Variants in COMMD10 observed in about 807,000 individuals in gnomAD.
The protein encoded by COMMD10 is COMM domain-containing protein 10.
In COMMD10, 33 loss-of-function variants were observed where a neutral mutation model predicts 28.9. That is an observed-to-expected ratio of 1.14 (90% CI 0.87 to 1.53). The LOEUF (loss-of-function observed/expected upper bound fraction) is 1.53, where lower values mean the gene tolerates loss of function less well. Ranked by LOEUF, COMMD10 falls within the 40% of genes most tolerant of loss-of-function variation. COMMD10 has a pLI of 0.00. For synonymous variants in COMMD10, 110 were observed against 81.7 expected (o/e 1.35, Z -1.87); for missense variants, 310 against 233.4 (o/e 1.33, Z -2.14).
At chr5:116,216,756 G>T (rs4513731) in intron 5 of COMMD10, among the ~76,000 whole-genome samples, 90,083 of 151,982 alleles carry the variant, frequency 0.59, 30,882 homozygotes, top group South Asian at 0.77. Context: ...GGATGGTCTC[G>T]ATCTCTTGAC....
chr5:116,211,935 C>G (rs180978833), intron 5 of COMMD10, among the ~76,000 whole-genome samples: 258 of 152,248 alleles, frequency 1.7e-3, no homozygotes, highest in African/African-American at 5.8e-3. Flanking sequence ...CATTTGACTT[C>G]CAGCTCTGAC....
At chr5:116,213,355 G>C (rs568064837) in intron 5 of COMMD10, among the ~76,000 whole-genome samples, 2 of 152,234 alleles carry the variant, frequency 1.3e-5, no homozygotes, top group South Asian at 4.2e-4. Context: ...TTCTGTTAGT[G>C]TGAGTCACAT....
chr5:116,127,145 C>T (rs1349930390), intron 4 of COMMD10, among the ~76,000 whole-genome samples: 2 of 152,188 alleles, frequency 1.3e-5, no homozygotes, highest in African/African-American at 4.8e-5. Flanking sequence ...CAAAAGAAGA[C>T]ATTTATGCAG....
chr5:116,090,053 CT>C (rs1174332656), intron 2 of COMMD10, among the ~76,000 whole-genome samples: 1 of 152,074 alleles, frequency 6.6e-6, no homozygotes, highest in Non-Finnish European at 1.5e-5. Context: ...TCTACTGGTA[CT>C]TTTATTTTAT....
intron 5 of COMMD10, among the ~76,000 whole-genome samples, chr5:116,134,801 T>G (rs1221761089): frequency 6.6e-6 from 1 of 152,046 alleles, no homozygotes; most frequent in Non-Finnish European, 1.5e-5. Flanking sequence ...TTTTGTATTT[T>G]TAGTAGAGAT....
chr5:116,102,913 C>T lies in COMMD10; in HGVS notation c.399+10213C>T, dbSNP rs530278189. 1.3e-4 allele frequency among the ~76,000 whole-genome samples: 20 copies of T among 152,026 alleles called. 1 individual carries two copies. Among genetic ancestry groups the T allele is most frequent in the East Asian group, 5.8e-4 (3 of 5,150 alleles). Reference sequence around the variant, plus strand: ...GCACCCCCTTATGAGTGAGAACATGCGGTGTTTGGTTTTCTGTTCTTGTGT... The same window carrying T: ...GCACCCCCTTATGAGTGAGAACATGTGGTGTTTGGTTTTCTGTTCTTGTGT... On this transcript the variant is annotated intron_variant, in intron 4 of 6. Coordinates refer to ENST00000274458, the MANE Select transcript of COMMD10 (RefSeq NM_016144.4).
At chr5:116,202,918 T>C (rs900157596) in intron 5 of COMMD10, among the ~76,000 whole-genome samples, 86 of 152,284 alleles carry the variant, frequency 5.6e-4, no homozygotes, top group Non-Finnish European at 9.8e-4. Flanking sequence ...ATTTTGGCTT[T>C]TGTTGCCATT....
At chr5:116,225,374 A>G (rs1376161909) in intron 5 of COMMD10, among the ~76,000 whole-genome samples, 1 of 41,304 alleles carries the variant, frequency 2.4e-5, no homozygotes, top group African/African-American at 6.2e-5. Context: ...TTTTTTTTGC[A>G]TATGTAGAAA....
intron 5 of COMMD10, among the ~76,000 whole-genome samples, chr5:116,246,266 A>G (rs1220604941): frequency 6.6e-6 from 1 of 152,120 alleles, no homozygotes; most frequent in Non-Finnish European, 1.5e-5. Flanking sequence ...ACCTAAGAAT[A>G]CAGCTAACTA....
At chr5:116,292,369 A>G (rs1188661208) in intron 6 of COMMD10, 82 bp from the exon 7 acceptor site, 3 of 840,906 alleles carry the variant, frequency 3.6e-6, no homozygotes, top group Middle Eastern at 4.9e-4. Flanking sequence ...TTTCCTTTCT[A>G]TTTGCATGTG....
intron 5 of COMMD10, among the ~76,000 whole-genome samples, chr5:116,153,178 C>T (rs1443713722): frequency 6.6e-6 from 1 of 152,118 alleles, no homozygotes; most frequent in Admixed American, 6.6e-5. Context: ...ACAGATCTTA[C>T]ATAGGTTAAG....
rs10043852 is a variant in COMMD10, at chr5:116,134,145, G to A, written c.477G>A (p.Val159=). The A allele has an allele frequency of 2.6e-3, 4,241 of 1,609,688 alleles. 11 individuals carry two copies. The highest frequency in any genetic ancestry group is 2.9e-3 in the Non-Finnish European group (3,420 of 1,175,930). ...AQAKLKSPQA[V]LQLGVNNEDS... ...CAAAACTAAAATCTCCTCAAGCTGT[G>A]TTACAACTCGGAGTGAACAATGAAG... is the stretch of plus-strand genomic sequence containing the variant. Residue 159 remains valine (V), a synonymous_variant, in exon 5 of 7, where the codon GTG becomes GTA. Coordinates refer to ENST00000274458, the MANE Select transcript of COMMD10 (RefSeq NM_016144.4).
rs571827216 is a variant in COMMD10 at position 116,116,779 on chromosome 5, C to T, written c.400-17289C>T. ...CAGGCCGGACTGTGGACTGCAGTGG[C>T]GCAATCTCGGCTCACTGCAAGCTCC... is the stretch of plus-strand genomic sequence containing the variant. On this transcript the variant is annotated intron_variant, in intron 4 of 6. Coordinates refer to ENST00000274458, the MANE Select transcript of COMMD10 (RefSeq NM_016144.4). Among the ~76,000 whole-genome samples, 582 of 147,672 alleles carry T rather than the reference C, an allele frequency of 3.9e-3. 8 individuals carry two copies. The highest frequency in any genetic ancestry group is 0.014 in the African/African-American group (551 of 39,478).
intron 5 of COMMD10, among the ~76,000 whole-genome samples, chr5:116,215,917 A>AT (rs1484544737): frequency 3.3e-5 from 5 of 151,722 alleles, no homozygotes; most frequent in Admixed American, 1.3e-4. Context: ...AATATACTGA[A>AT]TACCTAGAAG....
rs532969600 is a variant in COMMD10, at chr5:116,199,152, T to G, written c.510+64974T>G. Among the ~76,000 whole-genome samples the G allele has an allele frequency of 1.4e-4, 22 of 152,300 alleles. 1 individual carries two copies. Among genetic ancestry groups the G allele is most frequent in the African/African-American group, 5.3e-4 (22 of 41,578 alleles). On this transcript the variant is annotated intron_variant, in intron 5 of 6. Transcript: ENST00000274458. ...GTCAGTGTTCTAGATTTTGGCCATTTTAGTAAGTGTGTAGTAGTTTCTCAT... is the reference window on the plus strand; with the variant it reads ...GTCAGTGTTCTAGATTTTGGCCATTGTAGTAAGTGTGTAGTAGTTTCTCAT...
intron 5 of COMMD10, among the ~76,000 whole-genome samples, chr5:116,178,082 ATACT>A (rs1240065794): frequency 6.6e-6 from 1 of 152,124 alleles, no homozygotes; most frequent in East Asian, 1.9e-4. Flanking sequence ...AAAGAAATAA[ATACT>A]TCATTTTCCT....
At chr5:116,111,066 G>T (rs1751026973) in intron 4 of COMMD10, among the ~76,000 whole-genome samples, 1 of 152,130 alleles carries the variant, frequency 6.6e-6, no homozygotes, top group Non-Finnish European at 1.5e-5. Flanking sequence ...TTATGAACAT[G>T]TAGTTGTTCA....
chr5:116,270,496 A>G (rs1000531838), intron 5 of COMMD10, among the ~76,000 whole-genome samples: 2 of 151,846 alleles, frequency 1.3e-5, no homozygotes, highest in African/African-American at 4.9e-5. Flanking sequence ...AACGGTCTAG[A>G]GAATGGAGAT....
At chr5:116,167,085 G>T (rs1391297245) in intron 5 of COMMD10, among the ~76,000 whole-genome samples, 1 of 151,812 alleles carries the variant, frequency 6.6e-6, no homozygotes, top group East Asian at 2.0e-4. Context: ...TCCAATGCAG[G>T]GAAGCTAAGA....
Sources: allele counts gnomAD v4.1 joint callset (sites outside exome capture counted in the v4.1 genomes callset), GRCh38; gene constraint gnomAD v4.1.1; transcripts MANE v1.5; gene names NCBI Gene and HGNC (gene_info 2026-07-23, HGNC 2026-07-21).